Variants in TTLL8 observed in about 807,000 individuals in gnomAD.
TTLL8 encodes the protein tubulin tyrosine ligase like 8, also known as protein monoglycylase TTLL8.
TTLL8 carries 65 observed loss-of-function variants against 77.8 expected under a neutral mutation model. That is an observed-to-expected ratio of 0.84 (90% CI 0.68 to 1.03). TTLL8 has a LOEUF of 1.03. TTLL8 is among the 50% of genes least tolerant of loss of function. The pLI, the probability that TTLL8 is intolerant of heterozygous loss-of-function variation, is 0.00. For missense variants in TTLL8, 910 were observed against 1,004.5 expected (o/e 0.91, Z 1.27); for synonymous variants, 402 against 422.8 (o/e 0.95, Z 0.60).
chr22:50,026,961 C>T (rs769894333), intron 12 of TTLL8, among the ~76,000 whole-genome samples: 3 of 152,122 alleles, frequency 2.0e-5, no homozygotes, highest in Admixed American at 2.0e-4. Context: ...CGGCCAGGTG[C>T]GGTGGCTCAC....
chr22:50,049,515 T>C (rs540826579), intron 2 of TTLL8, among the ~76,000 whole-genome samples, 193 bp from the exon 5 acceptor site: 4 of 152,206 alleles, frequency 2.6e-5, no homozygotes, highest in African/African-American at 9.6e-5. Flanking sequence ...GCAGCCCCCA[T>C]ACATCCAATG....
At chr22:50,030,216 G>A (rs919957114) in intron 12 of TTLL8, 7 of 985,012 alleles carry the variant, frequency 7.1e-6, no homozygotes, top group East Asian at 2.3e-4. Context: ...GCACTCCCAC[G>A]CCCCCCACCC....
rs764373087 is a variant in TTLL8, at chr22:50,047,232, T to C, written c.329A>G (p.Tyr110Cys). ...CATCTGGTCGTAGGTCAGGCTGTGATAGTCAATGATGTCCCTCTTGATGGT... is the reference window on the plus strand; with the variant it reads ...CATCTGGTCGTAGGTCAGGCTGTGACAGTCAATGATGTCCCTCTTGATGGT... The change falls in exon 4 of 14, where the codon TAT (tyrosine) becomes TGT (cysteine). Residue 110 changes from tyrosine (Y) to cysteine (C), a missense_variant. Transcript: ENST00000266182. The C allele has an allele frequency of 3.7e-6, 5 of 1,367,522 alleles. No homozygotes were observed. The East Asian group carries it at 1.8e-4, about 50-fold the overall frequency. The allele number at this position is 1,367,522 out of a possible 1,614,324, so 84.7% of individuals were successfully genotyped here.
At position 50,027,494 on chromosome 22, in the gene TTLL8, A is replaced by C. The variant is rs1421182421; in HGVS notation, c.2203+2936T>G. On this transcript the variant is annotated intron_variant, in intron 12 of 13. Transcript: ENST00000266182. ...GGTTGCAGTGAGCCAAGATCGAGCC[A>C]CTGCACTCCAGCCTGGGCAACAGAA... The C allele has an allele frequency of 4.3e-4, 191 of 447,174 alleles. 1 individual carries two copies. The highest frequency in any genetic ancestry group is 5.4e-4 in the Non-Finnish European group (183 of 340,128). 27.7% of individuals were successfully genotyped at this position (447,174 alleles called of 1,614,324 possible). A position where few individuals can be genotyped will look rare whatever the true frequency, so the allele number is the denominator to read the frequency against.
chr22:50,043,449 C>T (rs9628317), intron 6 of TTLL8, among the ~76,000 whole-genome samples: 6 of 144,584 alleles, frequency 4.1e-5, no homozygotes, highest in South Asian at 2.3e-4. Context: ...AGACGTCCTT[C>T]GGTAGATGGA....
At chr22:50,019,236 C>T (rs1171954092) in intron 12 of TTLL8, among the ~76,000 whole-genome samples, 2 of 152,028 alleles carry the variant, frequency 1.3e-5, no homozygotes, top group Non-Finnish European at 2.9e-5. Context: ...GAAGGAAAAA[C>T]CAAAATGAGA....
At position 50,049,339 on chromosome 22, in the gene TTLL8, G is replaced by A. The variant is rs371395470; in HGVS notation, c.191-17C>T. The A allele has an allele frequency of 1.4e-4, 190 of 1,367,330 alleles. No homozygotes were observed. In the African/African-American group the frequency reaches 2.7e-3, roughly 19 times the overall value. 84.7% of individuals were successfully genotyped at this position (1,367,330 alleles called of 1,614,324 possible). On this transcript the variant is annotated splice_polypyrimidine_tract_variant and intron_variant, in intron 2 of 13. Transcript: ENST00000266182. ...ATGTATCATCTGCCAACAAAACACA[G>A]GGGAGGCCTGAACATGAAGCCTCAG...
chr22:50,053,919 C>T (rs2061457654), intron 1 of TTLL8, among the ~76,000 whole-genome samples: 1 of 150,840 alleles, frequency 6.6e-6, no homozygotes, highest in African/African-American at 2.4e-5. Flanking sequence ...CCGTGCCGTG[C>T]ACCTGCAGTC....
At chr22:50,054,684 GAC>G (rs553221178), upstream of TTLL8, 510 of 182,244 alleles carry the variant, frequency 2.8e-3, 3 homozygotes, top group African/African-American at 0.011. Context: ...CCCACCCTAG[GAC>G]ACACAGCGGG....
intron 12 of TTLL8, among the ~76,000 whole-genome samples, chr22:50,029,975 G>T (rs921328338): frequency 6.6e-6 from 1 of 152,190 alleles, no homozygotes; most frequent in Non-Finnish European, 1.5e-5. Context: ...GATGGGGGCC[G>T]GGCGTGGTGG....
chr22:50,055,220 CA>C, upstream of TTLL8: 1 of 1,287,998 alleles, frequency 7.8e-7, no homozygotes, highest in Non-Finnish European at 1.0e-6. Flanking sequence ...CACCGAGTCC[CA>C]AGGAGCATTT....
chr22:50,057,078 G>A (rs947634479), upstream of TTLL8: 1 of 794,472 alleles, frequency 1.3e-6, no homozygotes, highest in Non-Finnish European at 1.8e-6. Flanking sequence ...CTGGGGTTGG[G>A]GATCAGCTCT....
intron 8 of TTLL8, among the ~76,000 whole-genome samples, chr22:50,037,208 C>CAT (rs1185056117): frequency 5.4e-5 from 8 of 147,070 alleles, no homozygotes; most frequent in Non-Finnish European, 1.2e-4. Flanking sequence ...GTCGTTTTAA[C>CAT]TTTTTTTTTT....
intron 8 of TTLL8, among the ~76,000 whole-genome samples, chr22:50,038,073 AG>A (rs1425084368): frequency 6.6e-6 from 1 of 152,142 alleles, no homozygotes; most frequent in Admixed American, 6.5e-5. Flanking sequence ...CTTTAAATTT[AG>A]GGTCTTGAAT....
At chr22:50,040,288 T>C (rs1601925572) in intron 8 of TTLL8, among the ~76,000 whole-genome samples, 1 of 147,724 alleles carries the variant, frequency 6.8e-6, no homozygotes, top group South Asian at 2.2e-4. Context: ...ACAGACCTCA[T>C]GGACCTCACG....
At position 50,041,720 on chromosome 22, in the gene TTLL8, T is replaced by C; in HGVS notation, c.731A>G (p.Gln244Arg). 1 of 1,366,650 alleles carries C rather than the reference T, an allele frequency of 7.3e-7. No individual in the cohort carries two copies. The highest frequency in any genetic ancestry group is 1.1e-5 in the South Asian group (1 of 87,758). 84.7% of individuals were successfully genotyped at this position (1,366,650 alleles called of 1,614,324 possible). A position where few individuals can be genotyped will look rare whatever the true frequency, so the allele number is the denominator to read the frequency against. ...CGTGTCGATGTCCTCATGCTCCAGC[T>C]GCCCCAGGTAGGCCTGGCACACCTT... Residue 244 changes from glutamine (Q) to arginine (R), a missense_variant, in exon 7 of 14, where the codon CAG becomes CGG. This residue lies in a region of TTLL8 where 776 missense variants were observed against 926.1 expected (regional missense o/e 0.84). Coordinates refer to ENST00000266182, the Ensembl canonical transcript of TTLL8. The surrounding 1 kb of genome is among the most constrained non-coding windows in gnomAD (Gnocchi z 4.3).
chr22:50,046,002 GGCAGCT>G (rs745924487), intron 4 of TTLL8, 32 bp from the exon 7 acceptor site: 189 of 1,320,284 alleles, frequency 1.4e-4, no homozygotes, highest in Non-Finnish European at 1.8e-4. Flanking sequence ...AGGCAGGAGG[GGCAGCT>G]CAGCTCAGCT....
At chr22:50,037,267 G>A (rs971765985) in intron 8 of TTLL8, among the ~76,000 whole-genome samples, 6 of 151,584 alleles carry the variant, frequency 4.0e-5, no homozygotes, top group East Asian at 3.9e-4. Flanking sequence ...GTGCAGTGGC[G>A]CCATCTCAGC....
At chr22:50,019,795 G>A (rs1333652784) in intron 12 of TTLL8, among the ~76,000 whole-genome samples, 1 of 152,204 alleles carries the variant, frequency 6.6e-6, no homozygotes, top group African/African-American at 2.4e-5. Flanking sequence ...GCTCTGCTTT[G>A]CAGTGATTTC....
Sources: gnomAD v4.1 joint callset for allele counts (sites outside exome capture counted in the v4.1 genomes callset) on GRCh38, gnomAD v4.1.1 for gene constraint, gnomAD v4.1.1 regional missense constraint, Gnocchi (gnomAD v3.1) non-coding constraint, MANE v1.5 for transcripts, NCBI Gene and HGNC (gene_info 2026-07-23, HGNC 2026-07-21) for gene names.